Variants in SNX30 observed in about 807,000 individuals in gnomAD.
SNX30 encodes the protein sorting nexin-30.
SNX30 carries 24 observed loss-of-function variants against 46.4 expected under a neutral mutation model. That is an observed-to-expected ratio of 0.52 (90% CI 0.37 to 0.73). The LOEUF (loss-of-function observed/expected upper bound fraction) is 0.73. SNX30 is among the 30% of genes least tolerant of loss of function. The pLI is 0.00. For synonymous variants in SNX30, 189 were observed against 211.5 expected (o/e 0.89, Z 0.92); for missense variants, 533 against 555.7 (o/e 0.96, Z 0.41).
chr9:112,774,782 T>C (rs1394625042), intron 1 of SNX30, among the ~76,000 whole-genome samples: 1 of 152,086 alleles, frequency 6.6e-6, no homozygotes, highest in Non-Finnish European at 1.5e-5. Context: ...TCAAATCTTT[T>C]GCCTTTGGGT....
intron 2 of SNX30, among the ~76,000 whole-genome samples, chr9:112,810,862 G>A (rs191576043): frequency 6.6e-6 from 1 of 152,138 alleles, no homozygotes; most frequent in African/African-American, 2.4e-5. Flanking sequence ...AGCCTCAGAA[G>A]GGTTTTCACA....
intron 4 of SNX30, among the ~76,000 whole-genome samples, chr9:112,832,797 T>A (rs1427121642): frequency 6.8e-6 from 1 of 146,230 alleles, no homozygotes; most frequent in Non-Finnish European, 1.5e-5. Flanking sequence ...TTAAAAAAAA[T>A]TAGAAAAAAT....
At chr9:112,760,411 T>A (rs2796030) in intron 1 of SNX30, among the ~76,000 whole-genome samples, 87,984 of 152,016 alleles carry the variant, frequency 0.58, 25,702 homozygotes, top group South Asian at 0.73. Flanking sequence ...TCAATATCTT[T>A]TATTAGCCAA....
intron 1 of SNX30, among the ~76,000 whole-genome samples, chr9:112,789,759 T>G (rs1480481749): frequency 6.6e-6 from 1 of 152,236 alleles, no homozygotes; most frequent in Non-Finnish European, 1.5e-5. Flanking sequence ...TGGACCTGGA[T>G]TCTTTCATTT....
At chr9:112,837,282 G>A (rs1840772245) in intron 5 of SNX30, among the ~76,000 whole-genome samples, 1 of 151,866 alleles carries the variant, frequency 6.6e-6, no homozygotes, top group African/African-American at 2.4e-5. Flanking sequence ...GGGCCCATAG[G>A]TTTTGGAGAT....
chr9:112,751,063 C>G lies in SNX30; in HGVS notation c.62C>G (p.Pro21Arg). The G allele has an allele frequency of 6.7e-7, 1 of 1,497,176 alleles. No homozygotes were observed. Among genetic ancestry groups the G allele is most frequent in the Non-Finnish European group, 8.9e-7 (1 of 1,129,402 alleles). The allele number at this position is 1,497,176 out of a possible 1,614,324, so 92.7% of individuals were successfully genotyped here. The part of the protein sequence containing the change: ...STGPHSLRDM[P>R]HPLAGSSSEE... ...GGGCCCCACTCCCTGCGCGACATGC[C>G]GCACCCGCTGGCCGGCTCCAGCAGC... Residue 21 changes from proline to arginine, a missense_variant, in exon 1 of 9, where the codon CCG (proline) becomes CGG (arginine). Coordinates refer to ENST00000374232, the MANE Select transcript of SNX30 (RefSeq NM_001012994.2).
At chr9:112,775,877 A>G (rs1839739753) in intron 1 of SNX30, among the ~76,000 whole-genome samples, 1 of 149,700 alleles carries the variant, frequency 6.7e-6, no homozygotes, top group Admixed American at 6.7e-5. Context: ...GTTCCATATT[A>G]GCACATAGAG....
rs762758900 is a variant in SNX30 at position 112,822,537 on chromosome 9, T to TTTG, written c.459+4724_459+4725insGTT. On this transcript the variant is annotated intron_variant, in intron 3 of 8. Coordinates refer to ENST00000374232, the MANE Select transcript of SNX30 (RefSeq NM_001012994.2). ...TTTCTTTTGTCCCTTTGCTGTTTTG[T>TTTG]TTTGTTTTTTTTTTTTGTAAGAACC... 1.6e-3 allele frequency among the ~76,000 whole-genome samples: 14 copies of TTTG among 8,788 alleles called. No homozygotes were observed. The East Asian group carries it at 0.022, about 14-fold the overall frequency. 5.8% of individuals were successfully genotyped at this position (8,788 alleles called of 152,430 possible).
downstream of SNX30, chr9:112,879,345 G>T (rs1382762546): frequency 6.1e-6 from 1 of 165,096 alleles, no homozygotes; most frequent in African/African-American, 2.4e-5. Context: ...TCTCCCATGG[G>T]ACTTTCAGCA....
At position 112,836,240 on chromosome 9, in the gene SNX30, G is replaced by T; in HGVS notation, c.645G>T (p.Gly215=). The stretch of plus-strand genomic sequence containing the variant: ...ACCTGAACGCCTACAAGAAGCAAGG[G>T]ATAGCATTGCTGACCAGAATGGGCG... ...AKDLNAYKKQ[G]IALLTRMGES... Residue 215 remains glycine, a synonymous_variant, in exon 5 of 9, where the codon GGG becomes GGT. Transcript: ENST00000374232. 6.2e-7 allele frequency: 1 copy of T among 1,605,260 alleles called. No homozygotes were observed. Among genetic ancestry groups the T allele is most frequent in the African/African-American group, 1.3e-5 (1 of 74,926 alleles).
intron 3 of SNX30, among the ~76,000 whole-genome samples, chr9:112,818,456 CTGATCTCAGG>C (rs1181763031): frequency 1.3e-5 from 2 of 152,144 alleles, no homozygotes; most frequent in African/African-American, 4.8e-5. Context: ...TCTCGAACTC[CTGATCTCAGG>C]TGATCCACCG....
chr9:112,763,523 A>G lies in SNX30; in HGVS notation c.156+12366A>G, dbSNP rs146291063. Among the ~76,000 whole-genome samples, 529 of 150,874 alleles carry G rather than the reference A, an allele frequency of 3.5e-3. 4 individuals carry two copies. Among genetic ancestry groups the G allele is most frequent in the African/African-American group, 0.013 (518 of 41,158 alleles). On this transcript the variant is annotated intron_variant, in intron 1 of 8. Transcript: ENST00000374232. ...AGATGTGAGCCACTATACCTGGCCC[A>G]GTTATTATGTTTTTTAAAAGAATTA... is the stretch of plus-strand genomic sequence containing the variant.
At chr9:112,751,999 C>G (rs1564256113) in intron 1 of SNX30, among the ~76,000 whole-genome samples, 1 of 152,232 alleles carries the variant, frequency 6.6e-6, no homozygotes, top group Middle Eastern at 3.4e-3. Flanking sequence ...CCGCTCCTGC[C>G]GTCACTTAGT....
chr9:112,797,711 C>CTTTTTTTTTTTTTTTTTTTTTT (rs71384277), intron 1 of SNX30, among the ~76,000 whole-genome samples: 1 of 121,356 alleles, frequency 8.2e-6, no homozygotes, highest in Non-Finnish European at 1.6e-5. Context: ...TTTTCTTTTT[C>CTTTTTTTTTTTTTTTTTTTTTT]TTTTTTTTTT....
rs113789568 is a variant in SNX30, at chr9:112,838,181, C to T, written c.815-317C>T. Among the ~76,000 whole-genome samples the T allele has an allele frequency of 5.5e-3, 831 of 152,210 alleles. 8 individuals carry two copies. The highest frequency in any genetic ancestry group is 0.019 in the African/African-American group (790 of 41,522). On this transcript the variant is annotated intron_variant, in intron 5 of 8. Transcript: ENST00000374232. ...CTGGGATTACAGGTATGAGCCACCA[C>T]CAGGCCAGCGAGTGGTTATTTTCGA...
chr9:112,766,388 A>G (rs959065554), intron 1 of SNX30, among the ~76,000 whole-genome samples: 2 of 152,144 alleles, frequency 1.3e-5, no homozygotes, highest in Non-Finnish European at 2.9e-5. Context: ...ATTAAATACA[A>G]TTTATGACTT....
At chr9:112,825,849 G>A (rs776593943) in intron 3 of SNX30, among the ~76,000 whole-genome samples, 1 of 152,148 alleles carries the variant, frequency 6.6e-6, no homozygotes, top group Non-Finnish European at 1.5e-5. Context: ...GACAGTAATA[G>A]AGGTGAGGCT....
intron 5 of SNX30, among the ~76,000 whole-genome samples, chr9:112,836,872 C>A (rs951635888): frequency 6.6e-6 from 1 of 152,180 alleles, no homozygotes; most frequent in African/African-American, 2.4e-5. Context: ...CCCACCCCAC[C>A]GTGGTTCATT....
chr9:112,876,235 G>A (rs556538557), downstream of SNX30, among the ~76,000 whole-genome samples: 14 of 152,294 alleles, frequency 9.2e-5, no homozygotes, highest in African/African-American at 3.4e-4. Flanking sequence ...AGATTCTTGG[G>A]GGGAGGAGAA....
Sources: gnomAD v4.1 joint callset for allele counts (sites outside exome capture counted in the v4.1 genomes callset) on GRCh38, gnomAD v4.1.1 for gene constraint, MANE v1.5 for transcripts, NCBI Gene and HGNC (gene_info 2026-07-23, HGNC 2026-07-21) for gene names.